The following DPYD variants were observed in gnomAD, a reference collection of about 807,000 sequenced individuals.
The protein encoded by DPYD is dihydropyrimidine dehydrogenase.
DPYD carries 109 observed loss-of-function variants against 116.2 expected under a neutral mutation model. The observed-to-expected ratio is 0.94, with a 90% CI of 0.80 to 1.10. The LOEUF is 1.10. DPYD is among the 50% of genes least tolerant of loss of function. DPYD has a pLI of 0.00. For synonymous variants in DPYD, 440 were observed against 432.0 expected (o/e 1.02, Z -0.23); for missense variants, 1,302 against 1,254.5 (o/e 1.04, Z -0.57).
intron 20 of DPYD, among the ~76,000 whole-genome samples, chr1:97,113,204 C>T (rs1426264030): frequency 1.3e-5 from 2 of 152,042 alleles, no homozygotes; most frequent in African/African-American, 4.8e-5. Flanking sequence ...TATTCTACCC[C>T]AATATTTTGA....
At chr1:97,206,096 C>T (rs1347409219) in intron 19 of DPYD, among the ~76,000 whole-genome samples, 1 of 151,440 alleles carries the variant, frequency 6.6e-6, no homozygotes, top group Non-Finnish European at 1.5e-5. Flanking sequence ...ATGCATAGGG[C>T]AAGGTATGAG....
chr1:97,259,661 T>C (rs1315652658), intron 18 of DPYD, among the ~76,000 whole-genome samples: 3 of 152,104 alleles, frequency 2.0e-5, no homozygotes, highest in Non-Finnish European at 4.4e-5. Flanking sequence ...GGCAAGAACT[T>C]CAAAGACTGG....
chr1:97,505,102 T>C (rs922420220), intron 13 of DPYD, among the ~76,000 whole-genome samples: 1 of 152,020 alleles, frequency 6.6e-6, no homozygotes, highest in Non-Finnish European at 1.5e-5. Flanking sequence ...GATGCAAACA[T>C]AAACCTGGTG....
At chr1:97,381,127 C>A (rs562027904) in intron 15 of DPYD, among the ~76,000 whole-genome samples, 1 of 152,182 alleles carries the variant, frequency 6.6e-6, no homozygotes, top group Non-Finnish European at 1.5e-5. Flanking sequence ...CTTTTCCTCC[C>A]TTCTTTCTTT....
chr1:97,107,669 AG>A (rs1651271313), intron 20 of DPYD, among the ~76,000 whole-genome samples: 1 of 152,096 alleles, frequency 6.6e-6, no homozygotes, highest in Admixed American at 6.6e-5. Flanking sequence ...TGGGTATTCT[AG>A]TGTCCATTTA....
intron 20 of DPYD, among the ~76,000 whole-genome samples, chr1:97,161,933 G>C (rs1655937843): frequency 6.6e-6 from 1 of 151,834 alleles, no homozygotes; most frequent in Non-Finnish European, 1.5e-5. Flanking sequence ...AGTATTCCAT[G>C]GTGTATATGT....
intron 3 of DPYD, among the ~76,000 whole-genome samples, chr1:97,770,123 T>G (rs1666065067): frequency 6.6e-6 from 1 of 152,352 alleles, no homozygotes; most frequent in Non-Finnish European, 1.5e-5. Flanking sequence ...ATGTTCATGC[T>G]GTGCATCCAC....
intron 4 of DPYD, among the ~76,000 whole-genome samples, chr1:97,723,221 G>T (rs1455381763): frequency 6.6e-6 from 1 of 151,606 alleles, no homozygotes; most frequent in Non-Finnish European, 1.5e-5. Context: ...TGCCATGTAA[G>T]AATGGTTCTT....
At position 97,573,821 on chromosome 1, in the gene DPYD, C is replaced by A. The variant is rs764666241; in HGVS notation, c.1278G>T (p.Met426Ile). The A allele has an allele frequency of 2.8e-5, 45 of 1,613,524 alleles. No individual in the cohort carries two copies. The highest frequency in any genetic ancestry group is 3.6e-5 in the Non-Finnish European group (43 of 1,179,664). Reference protein sequence around the residue: ...TGKWNEDEDQMVHLKADVVIS... With the variant: ...TGKWNEDEDQIVHLKADVVIS... The stretch of plus-strand genomic sequence containing the variant: ...TGACCACATCGGCTTTCAGATGGAC[C>A]ATCTGATCTTCATCTTCATTCCATT... Residue 426 changes from methionine to isoleucine, a missense_variant, in exon 11 of 23, where the codon ATG (methionine) becomes ATT (isoleucine). By Grantham distance (10) the Met-to-Ile change is conservative (BLOSUM62 1). Transcript: ENST00000370192.
At chr1:97,471,363 A>C (rs1677639712) in intron 13 of DPYD, among the ~76,000 whole-genome samples, 1 of 152,200 alleles carries the variant, frequency 6.6e-6, no homozygotes, top group Non-Finnish European at 1.5e-5. Flanking sequence ...TTGGATACAG[A>C]ATCAAGATCC....
intron 11 of DPYD, among the ~76,000 whole-genome samples, chr1:97,552,073 C>T (rs767715298): frequency 6.6e-6 from 1 of 151,924 alleles, no homozygotes; most frequent in Non-Finnish European, 1.5e-5. Flanking sequence ...ACCAAGCCCC[C>T]CTAGATGTGA....
At chr1:97,824,791 C>A (rs1459670456) in intron 3 of DPYD, among the ~76,000 whole-genome samples, 1 of 152,148 alleles carries the variant, frequency 6.6e-6, no homozygotes, top group Non-Finnish European at 1.5e-5. Context: ...TTTTCCTAAG[C>A]CCTGTATTTT....
intron 2 of DPYD, among the ~76,000 whole-genome samples, chr1:97,877,861 CG>C (rs1311683686): frequency 2.6e-5 from 4 of 151,882 alleles, no homozygotes; most frequent in East Asian, 3.9e-4. Context: ...TCCATGAAAG[CG>C]TGAATGAGAT....
At chr1:97,420,473 C>T (rs1674522042) in intron 14 of DPYD, among the ~76,000 whole-genome samples, 1 of 151,874 alleles carries the variant, frequency 6.6e-6, no homozygotes, top group Admixed American at 6.6e-5. Context: ...CCTTGCTTTC[C>T]CTTCCATCAA....
At chr1:97,748,815 T>C (rs1301112680) in intron 3 of DPYD, among the ~76,000 whole-genome samples, 1 of 152,206 alleles carries the variant, frequency 6.6e-6, no homozygotes, top group Non-Finnish European at 1.5e-5. Flanking sequence ...TCCTTTCTTC[T>C]TGAGGCTTTT....
chr1:97,564,606 A>G (rs976982738), intron 11 of DPYD, among the ~76,000 whole-genome samples: 1 of 151,992 alleles, frequency 6.6e-6, no homozygotes, highest in Admixed American at 6.6e-5. Flanking sequence ...TCCAAATTCA[A>G]CACACCACCA....
chr1:97,329,029 G>C (rs1668847963), intron 16 of DPYD, among the ~76,000 whole-genome samples: 1 of 152,136 alleles, frequency 6.6e-6, no homozygotes, highest in Non-Finnish European at 1.5e-5. Flanking sequence ...ATTTTCCAAG[G>C]TGAGTGAGAA....
At chr1:97,643,381 T>C (rs1658050890) in intron 8 of DPYD, among the ~76,000 whole-genome samples, 1 of 152,092 alleles carries the variant, frequency 6.6e-6, no homozygotes, top group Non-Finnish European at 1.5e-5. Flanking sequence ...AAAATCACAA[T>C]GAGATACTAT....
At chr1:97,624,631 T>C (rs985327725) in intron 8 of DPYD, among the ~76,000 whole-genome samples, 1 of 151,952 alleles carries the variant, frequency 6.6e-6, no homozygotes, top group Non-Finnish European at 1.5e-5. Flanking sequence ...CCCAAAAGAT[T>C]TGAAATCAGT....
Sources: gnomAD v4.1 joint callset for allele counts (sites outside exome capture counted in the v4.1 genomes callset) on GRCh38, gnomAD v4.1.1 for gene constraint, MANE v1.5 for transcripts, NCBI Gene and HGNC (gene_info 2026-07-23, HGNC 2026-07-21) for gene names.